The following DMD variants were observed in gnomAD, a reference collection of about 807,000 sequenced individuals.
DMD encodes the protein mutant dystrophin.
A neutral mutation model predicts 330.1 loss-of-function variants in DMD; 63 were observed. That is an observed-to-expected ratio of 0.19 (90% CI 0.16 to 0.24). The LOEUF is 0.24. DMD is among the 10% of genes least tolerant of loss of function. DMD has a pLI of 1.00. For missense variants in DMD, 3,344 were observed against 2,684.1 expected (o/e 1.25, Z -5.43); for synonymous variants, 1,223 against 959.8 (o/e 1.27, Z -5.07).
At chrX:32,662,443 G>C (rs1017052026) in intron 9 of DMD, among the ~76,000 whole-genome samples, 2 of 111,766 alleles carry the variant, frequency 1.8e-5, no homozygotes, top group Non-Finnish European at 3.8e-5. Context: ...GAAATAGTGG[G>C]ACAAAATACA....
At chrX:31,419,762 C>T (rs1274997464) in intron 60 of DMD, among the ~76,000 whole-genome samples, 1 of 111,582 alleles carries the variant, frequency 9.0e-6, no homozygotes, top group Non-Finnish European at 1.9e-5. Context: ...ATCCCTGGGT[C>T]CTTTTCTTAT....
intron 12 of DMD, among the ~76,000 whole-genome samples, chrX:32,612,023 C>G (rs1164329125): frequency 2.9e-5 from 3 of 105,042 alleles, no homozygotes; most frequent in East Asian, 6.0e-4. Context: ...GGGTTAGATT[C>G]CTCCAAAAAC....
intron 44 of DMD, among the ~76,000 whole-genome samples, chrX:32,194,435 A>G (rs1000560930): frequency 8.9e-6 from 1 of 112,252 alleles, no homozygotes; most frequent in Admixed American, 9.5e-5. Flanking sequence ...AACTTCATGT[A>G]AATACCCATA....
At chrX:31,591,403 G>A (rs1056585112) in intron 55 of DMD, among the ~76,000 whole-genome samples, 2 of 111,393 alleles carry the variant, frequency 1.8e-5, no homozygotes, top group Non-Finnish European at 3.8e-5. Flanking sequence ...AGATCCTGTG[G>A]TGTGAGCGTT....
intron 25 of DMD, among the ~76,000 whole-genome samples, chrX:32,455,640 G>A (rs2098354321): frequency 9.0e-6 from 1 of 110,996 alleles, no homozygotes; most frequent in Non-Finnish European, 1.9e-5. Flanking sequence ...AGACTAACAT[G>A]TACAATATTT....
At chrX:32,237,720 C>G (rs2097193060) in intron 43 of DMD, among the ~76,000 whole-genome samples, 1 of 111,682 alleles carries the variant, frequency 9.0e-6, no homozygotes, top group African/African-American at 3.3e-5. Flanking sequence ...TAAAATTTTC[C>G]ACGCATTTTT....
At chrX:32,242,957 AACAGAAGGAAAGGAAAGGAAG>A in intron 43 of DMD, among the ~76,000 whole-genome samples, 1 of 106,403 alleles carries the variant, frequency 9.4e-6, no homozygotes, top group Admixed American at 1.1e-4. Context: ...AAGGAAAAGG[AACAGAAGGAAAGGAAAGGAAG>A]AAGGAAGGAA....
At chrX:32,797,138 G>C (rs1250228238) in intron 7 of DMD, among the ~76,000 whole-genome samples, 2 of 110,806 alleles carry the variant, frequency 1.8e-5, no homozygotes, top group East Asian at 5.7e-4. Context: ...TTGTGGGATG[G>C]GGGGACAGGG....
At chrX:32,506,278 C>T (rs966614794) in intron 18 of DMD, among the ~76,000 whole-genome samples, 12 of 109,135 alleles carry the variant, frequency 1.1e-4, no homozygotes, top group Admixed American at 2.9e-4. Context: ...CTGTGGGAGC[C>T]GGGTTATATG....
chrX:31,711,087 C>CA (rs773274149), intron 52 of DMD, among the ~76,000 whole-genome samples: 16,043 of 97,348 alleles, frequency 0.16, 1,173 homozygotes, highest in Admixed American at 0.32. Flanking sequence ...GGCTCCAGAC[C>CA]AAAAAAAAAA....
At chrX:32,031,119 G>T (rs1477889768) in intron 44 of DMD, among the ~76,000 whole-genome samples, 3 of 103,221 alleles carry the variant, frequency 2.9e-5, no homozygotes, top group African/African-American at 1.1e-4. Context: ...AACTGCAGAA[G>T]GGGGCTGCAA....
intron 53 of DMD, among the ~76,000 whole-genome samples, chrX:31,670,048 T>C (rs1206751355): frequency 1.8e-5 from 2 of 111,969 alleles, no homozygotes; most frequent in Non-Finnish European, 3.8e-5. Flanking sequence ...CCTAAGTTTT[T>C]AACATTTTTT....
chrX:32,699,351 AG>A, intron 7 of DMD, 58 bp from the exon 8 acceptor site: 2 of 925,470 alleles, frequency 2.2e-6, no homozygotes, highest in East Asian at 3.1e-5. Context: ...AGACTCTAAA[AG>A]GATAATGAAC....
rs184779064 is a variant in DMD at position 33,326,453 on chromosome X, A to G, written c.7+12806T>C. ...TATTTTGGAGGATTATAAAGCATGT[A>G]CCAAGTAAATATATGTGAATAAGAA... is the stretch of plus-strand genomic sequence containing the variant. On this transcript the variant is annotated intron_variant, in intron 1 of 17. Coordinates refer to the DMD transcript ENST00000288447. Among the ~76,000 whole-genome samples, 35 of 111,950 alleles carry G rather than the reference A, an allele frequency of 3.1e-4. 1 individual carries two copies. The highest frequency in any genetic ancestry group is 1.5e-4 in the Non-Finnish European group (8 of 53,130).
intron 44 of DMD, among the ~76,000 whole-genome samples, chrX:32,168,540 TAAA>T (rs67296978): frequency 0.1 from 7,991 of 78,484 alleles, 385 homozygotes; most frequent in African/African-American, 0.19. Flanking sequence ...ATGACAGTTA[TAAA>T]AAAAAAAAAA....
chrX:33,191,423 C>CA (rs2050637972), intron 1 of DMD, among the ~76,000 whole-genome samples: 1 of 107,011 alleles, frequency 9.3e-6, no homozygotes, highest in Non-Finnish European at 1.9e-5. Flanking sequence ...TTTACTTTTA[C>CA]TTTTTTTTCG....
intron 17 of DMD, among the ~76,000 whole-genome samples, chrX:32,528,108 G>C (rs111615326): frequency 0.028 from 3,170 of 111,487 alleles, 67 homozygotes; most frequent in Admixed American, 0.077. Context: ...CAGGAGTTCA[G>C]GACCAACCTG....
intron 47 of DMD, among the ~76,000 whole-genome samples, chrX:31,908,934 T>C (rs909815905): frequency 9.0e-5 from 10 of 111,674 alleles, no homozygotes; most frequent in Middle Eastern, 9.3e-3. Flanking sequence ...CGTATAAAAA[T>C]GGTAAGTGCT....
At chrX:31,335,760 C>T (rs1191564109) in intron 61 of DMD, among the ~76,000 whole-genome samples, 1 of 112,428 alleles carries the variant, frequency 8.9e-6, no homozygotes, top group Non-Finnish European at 1.9e-5. Flanking sequence ...TTCTTAGATG[C>T]TTCTAAATGC....
Sources: allele counts gnomAD v4.1 joint callset (sites outside exome capture counted in the v4.1 genomes callset), GRCh38; gene constraint gnomAD v4.1.1; transcripts MANE v1.5; gene names NCBI Gene and HGNC (gene_info 2026-07-23, HGNC 2026-07-21).